DRC11L: variants seen among roughly 807,000 people sequenced by gnomAD.
The protein encoded by DRC11L is dynein regulatory complex subunit 11 like.
chr7:151,191,425 G>C, the DRC11L span, among the ~76,000 whole-genome samples: 1,092 of 152,250 alleles, frequency 7.2e-3, 15 homozygotes, highest in African/African-American at 0.024. Context: ...GTTCTTGCAA[G>C]CTCCCACCCT....
At chr7:151,197,022 A>G in the DRC11L span, 910 of 399,546 alleles carry the variant, frequency 2.3e-3, 16 homozygotes, top group East Asian at 0.03. Flanking sequence ...ATACATTTGG[A>G]TGGCAACACT....
At chr7:151,191,831 T>C in the DRC11L span, 5 of 399,084 alleles carry the variant, frequency 1.3e-5, no homozygotes, top group Non-Finnish European at 2.2e-5. Context: ...GTCCAGGTGC[T>C]GGGTCGGCTG....
chr7:151,197,629 G>A, the DRC11L span, among the ~76,000 whole-genome samples: 1 of 152,170 alleles, frequency 6.6e-6, no homozygotes, highest in Non-Finnish European at 1.5e-5. Context: ...TCCTTTCCCA[G>A]CCACAATGCC....
the DRC11L span, chr7:151,194,242 C>T: frequency 2.5e-6 from 1 of 399,018 alleles, no homozygotes; most frequent in Non-Finnish European, 4.4e-6. Flanking sequence ...CCTCACACCC[C>T]CAGAGCCTCT....
chr7:151,193,051 T>C, the DRC11L span: 3 of 397,356 alleles, frequency 7.5e-6, no homozygotes, highest in East Asian at 1.1e-4. Context: ...GGGAGCTGCA[T>C]ATTCAGTCTC....
the DRC11L span, chr7:151,196,299 G>A: frequency 1.0e-5 from 4 of 396,296 alleles, no homozygotes; most frequent in Non-Finnish European, 1.3e-5. Context: ...AGTCTACCGA[G>A]GATGAGCTGG....
chr7:151,193,285 C>T, the DRC11L span: 1 of 399,374 alleles, frequency 2.5e-6, no homozygotes, highest in Admixed American at 4.4e-5. Flanking sequence ...GCTGGGGGCT[C>T]CGGACCTTAA....
At chr7:151,198,383 T>C in the DRC11L span, among the ~76,000 whole-genome samples, 3 of 151,650 alleles carry the variant, frequency 2.0e-5, no homozygotes, top group South Asian at 2.1e-4. Flanking sequence ...GGTGAGTGGA[T>C]GGATGGATAG....
chr7:151,196,079 C>T, the DRC11L span: 6 of 242,312 alleles, frequency 2.5e-5, no homozygotes, highest in Non-Finnish European at 4.0e-5. Flanking sequence ...TGACTGAACA[C>T]TCCTGAAGCC....
chr7:151,195,975 C>G, the DRC11L span: 2 of 261,102 alleles, frequency 7.7e-6, no homozygotes, highest in Middle Eastern at 1.1e-3. Flanking sequence ...GTCTTTGTGA[C>G]CTAAATGATT....
chr7:151,195,577 T>C, the DRC11L span: 1 of 388,140 alleles, frequency 2.6e-6, no homozygotes, highest in Non-Finnish European at 4.6e-6. Flanking sequence ...CATCTTGCCT[T>C]TGGAGCCCTC....
the DRC11L span, chr7:151,196,869 C>A: frequency 2.5e-6 from 1 of 398,794 alleles, no homozygotes; most frequent in Non-Finnish European, 4.4e-6. Context: ...GCCTACACAC[C>A]CACACTGCCA....
the DRC11L span, chr7:151,204,636 C>A: frequency 2.5e-6 from 1 of 399,190 alleles, no homozygotes; most frequent in Non-Finnish European, 4.4e-6. Flanking sequence ...TCGCAGCAGC[C>A]GCCGCTTCTG....
At chr7:151,204,291 C>T in the DRC11L span, among the ~76,000 whole-genome samples, 1 of 152,206 alleles carries the variant, frequency 6.6e-6, no homozygotes, top group Non-Finnish European at 1.5e-5. Flanking sequence ...ATCCTCTGAT[C>T]TTCTCTGCCC....
chr7:151,204,748 G>C, the DRC11L span: 8 of 398,976 alleles, frequency 2.0e-5, no homozygotes, highest in Non-Finnish European at 1.8e-5. Flanking sequence ...TGCCGCTCCC[G>C]GTCGGGCGCA....
At chr7:151,201,366 A>G in the DRC11L span, among the ~76,000 whole-genome samples, 17 of 152,222 alleles carry the variant, frequency 1.1e-4, no homozygotes, top group Admixed American at 1.1e-3. This position sits in a 1 kb window ranked among gnomAD's most constrained non-coding sequence, Gnocchi z 4.1. Context: ...ATGTCTGGCA[A>G]CAGGTACAAA....
chr7:151,198,408 G>A, the DRC11L span, among the ~76,000 whole-genome samples: 18 of 151,974 alleles, frequency 1.2e-4, 1 homozygote, highest in African/African-American at 4.1e-4. Context: ...ATGGAGAGGC[G>A]GATAAAAGGG....
chr7:151,203,132 G>A, the DRC11L span: 3 of 399,142 alleles, frequency 7.5e-6, no homozygotes, highest in Non-Finnish European at 1.3e-5. Flanking sequence ...AGGAGCACAT[G>A]AGGGAGAGCT....
chr7:151,205,258 C>T, the DRC11L span, among the ~76,000 whole-genome samples: 8 of 152,098 alleles, frequency 5.3e-5, 1 homozygote, highest in Admixed American at 5.2e-4. Flanking sequence ...CTTCCCCAAG[C>T]AGAGCCCTGG....
Sources: gnomAD v4.1 joint callset for allele counts (sites outside exome capture counted in the v4.1 genomes callset) on GRCh38, gnomAD v4.1.1 for gene constraint, Gnocchi (gnomAD v3.1) non-coding constraint, MANE v1.5 for transcripts, NCBI Gene and HGNC (gene_info 2026-07-23, HGNC 2026-07-21) for gene names.